Variants in SLC12A2 observed in about 807,000 individuals in gnomAD.
SLC12A2 encodes solute carrier family 12 member 2.
SLC12A2 carries 67 observed loss-of-function variants against 136.3 expected under a neutral mutation model. That is an observed-to-expected ratio of 0.49 (90% CI 0.40 to 0.60). SLC12A2 has a LOEUF of 0.60. Among genes scored for constraint, SLC12A2 ranks in the 20% least tolerant of loss-of-function variants. SLC12A2 has a pLI of 0.00. For synonymous variants in SLC12A2, 619 were observed against 562.9 expected (o/e 1.10, Z -1.41); for missense variants, 1,322 against 1,534.7 (o/e 0.86, Z 2.32).
rs149998336 is a variant in SLC12A2 at position 128,150,118 on chromosome 5, A to G, written c.2107+20A>G. ...CTCCAGGTAATTTTACATTTTTAAA[A>G]AAGTTTGTAAATATCATTTTTGATT... On this transcript the variant is annotated intron_variant, in intron 13 of 26. Coordinates refer to ENST00000262461, the MANE Select transcript of SLC12A2 (RefSeq NM_001046.3). The G allele has an allele frequency of 1.6e-4, 226 of 1,427,950 alleles. 5 individuals carry two copies. The East Asian group carries it at 5.1e-3, about 32-fold the overall frequency. The allele number at this position is 1,427,950 out of a possible 1,614,324, so 88.5% of individuals were successfully genotyped here.
intron 19 of SLC12A2, among the ~76,000 whole-genome samples, chr5:128,173,964 G>T (rs1005757608): frequency 6.6e-6 from 1 of 152,116 alleles, no homozygotes; most frequent in Non-Finnish European, 1.5e-5. Flanking sequence ...TGGTTTTATA[G>T]AGTGGGTAGA....
intron 1 of SLC12A2, among the ~76,000 whole-genome samples, chr5:128,104,144 T>G (rs973091157): frequency 2.0e-5 from 3 of 152,112 alleles, no homozygotes; most frequent in Middle Eastern, 3.2e-3. Flanking sequence ...AAAACCTAGT[T>G]TGACCTGGAA....
chr5:128,114,735 G>T (rs1761284665), intron 4 of SLC12A2, 54 bp downstream of exon 4: 2 of 1,058,568 alleles, frequency 1.9e-6, no homozygotes, highest in Non-Finnish European at 2.9e-6. Flanking sequence ...CTAAACAGAG[G>T]TCTAAATTGT....
Position 128,124,266 on chromosome 5 carries a change from A to G in SLC12A2, c.1049-6801A>G, listed in dbSNP as rs139236501. 3.0e-3 allele frequency among the ~76,000 whole-genome samples: 462 copies of G among 152,218 alleles called. 3 individuals carry two copies. Among genetic ancestry groups the G allele is most frequent in the African/African-American group, 0.011 (450 of 41,534 alleles). On this transcript the variant is annotated intron_variant, in intron 4 of 26. Coordinates refer to ENST00000262461, the MANE Select transcript of SLC12A2 (RefSeq NM_001046.3). ...TTTCCCCACACAAACCAATTCCCCA[A>G]CTTTCTGGACACTAATTGGGTATCC...
chr5:128,136,305 A>T (rs1310438188), intron 7 of SLC12A2, among the ~76,000 whole-genome samples: 1 of 152,136 alleles, frequency 6.6e-6, no homozygotes, highest in Non-Finnish European at 1.5e-5. Flanking sequence ...TTTGTCAGGA[A>T]CGTAAGTGAA....
chr5:128,158,580 C>T (rs1164958691), intron 16 of SLC12A2, among the ~76,000 whole-genome samples: 2 of 152,150 alleles, frequency 1.3e-5, no homozygotes, highest in African/African-American at 4.8e-5. Flanking sequence ...ACAGGTACCA[C>T]ATTTTCTTTA....
intron 4 of SLC12A2, among the ~76,000 whole-genome samples, chr5:128,125,746 C>T (rs142541589): frequency 2.0e-3 from 310 of 152,034 alleles, no homozygotes; most frequent in Non-Finnish European, 3.3e-3. Context: ...TGAAGATATT[C>T]TCCTATATTT....
At chr5:128,124,402 AGGCCTCCT>A (rs951239610) in intron 4 of SLC12A2, among the ~76,000 whole-genome samples, 7 of 152,198 alleles carry the variant, frequency 4.6e-5, no homozygotes, top group African/African-American at 1.7e-4. Context: ...TTGCAATTCC[AGGCCTCCT>A]GTACCTCTGA....
rs759150110 is a variant in SLC12A2 at position 128,174,508 on chromosome 5, T to C, written c.2804-33T>C. ...CTTATTTAACAGTTAAAATATGACT[T>C]AGATACTATTTTAAATAATTTTCTG... On this transcript the variant is annotated intron_variant, in intron 19 of 26. Coordinates refer to ENST00000262461, the MANE Select transcript of SLC12A2 (RefSeq NM_001046.3). The C allele has an allele frequency of 4.6e-6, 7 of 1,515,508 alleles. No individual in the cohort carries two copies. The East Asian group carries it at 1.6e-4, about 36-fold the overall frequency. The allele number at this position is 1,515,508 out of a possible 1,614,324, so 93.9% of individuals were successfully genotyped here. A position where few individuals can be genotyped will look rare whatever the true frequency, so the allele number is the denominator to read the frequency against.
chr5:128,164,487 ATAT>A (rs1006834215), intron 17 of SLC12A2, among the ~76,000 whole-genome samples: 7 of 152,316 alleles, frequency 4.6e-5, no homozygotes, highest in Non-Finnish European at 8.8e-5. Flanking sequence ...ACTATATGAA[ATAT>A]TATTACAAAT....
chr5:128,142,834 ATGTG>A (rs924702586), intron 10 of SLC12A2, among the ~76,000 whole-genome samples: 2 of 151,892 alleles, frequency 1.3e-5, no homozygotes, highest in South Asian at 4.2e-4. Context: ...AAATAACCTT[ATGTG>A]TGTGTGTGTT....
intron 18 of SLC12A2, 66 bp downstream of exon 18, chr5:128,167,933 A>G: frequency 1.1e-6 from 1 of 928,808 alleles, no homozygotes; most frequent in Non-Finnish European, 1.6e-6. Context: ...AGCTTGTCCT[A>G]ATTTTTGGAG....
rs1223398213 is a variant in SLC12A2 at position 128,084,401 on chromosome 5, C to T, written c.447C>T (p.Ser149=). 1.9e-6 allele frequency: 3 copies of T among 1,610,880 alleles called. No individual in the cohort carries two copies. Among genetic ancestry groups the T allele is most frequent in the Non-Finnish European group, 2.5e-6 (3 of 1,178,906 alleles). ...TGAACTTCGTGGACCCAGCTGCCTC[C>T]TCGTCGGCTGAAGACAGCCTGTCAG... is the stretch of plus-strand genomic sequence containing the variant. ...FRVNFVDPAA[S]SSAEDSLSDA... is the part of the protein sequence containing the mutation. Residue 149 remains serine, a synonymous_variant, in exon 1 of 27, where the codon TCC becomes TCT. Coordinates refer to ENST00000262461, the MANE Select transcript of SLC12A2 (RefSeq NM_001046.3). This position sits in a 1 kb window ranked among gnomAD's most constrained non-coding sequence, Gnocchi z 5.6.
Position 128,138,628 on chromosome 5 carries a change from T to C in SLC12A2, c.1440T>C (p.Asp480=). The C allele has an allele frequency of 6.2e-7, 1 of 1,612,214 alleles. No individual in the cohort carries two copies. Among genetic ancestry groups the C allele is most frequent in the Non-Finnish European group, 8.5e-7 (1 of 1,179,482 alleles). The part of the protein sequence containing the change: ...SEIFNENFGP[D]FREEETFFSV... The stretch of plus-strand genomic sequence containing the variant: ...TATTTAATGAGAACTTTGGGCCCGA[T>C]TTTCGAGAGGAAGAGACTTTCTTTT... The change falls in exon 8 of 27, where the codon GAT becomes GAC. Residue 480 remains aspartate, a synonymous_variant. Transcript: ENST00000262461.
intron 1 of SLC12A2, among the ~76,000 whole-genome samples, chr5:128,098,861 T>C (rs1760641167): frequency 6.6e-6 from 1 of 152,138 alleles, no homozygotes; most frequent in Admixed American, 6.6e-5. Context: ...CATTATACTT[T>C]TTCTGAAGAT....
rs1009905323 is a variant in SLC12A2 at position 128,160,837 on chromosome 5, G to A, written c.2476-823G>A. On this transcript the variant is annotated intron_variant, in intron 16 of 26. Transcript: ENST00000262461. The stretch of plus-strand genomic sequence containing the variant: ...TTATACAGTGGCAAAGTCAAGGGGT[G>A]TGTGTTTGTGTGTGTGTGTGTGTGT... 3.3e-5 allele frequency among the ~76,000 whole-genome samples: 5 copies of A among 149,290 alleles called. No homozygotes were observed. In the South Asian group the frequency reaches 6.2e-4, roughly 19 times the overall value.
rs188229039 is a variant in SLC12A2 at position 128,155,657 on chromosome 5, C to T, written c.2364-2396C>T. On this transcript the variant is annotated intron_variant, in intron 15 of 26. Transcript: ENST00000262461. ...TGTAGTTTCTTACTGTTTACTGTTT[C>T]TTTAATTTGGGTTTTGGGATTTAGC... 7.2e-5 allele frequency among the ~76,000 whole-genome samples: 11 copies of T among 152,098 alleles called. No individual in the cohort carries two copies. The East Asian group carries it at 2.1e-3, about 29-fold the overall frequency.
intron 9 of SLC12A2, 88 bp from the exon 10 acceptor site, chr5:128,141,742 G>T: frequency 9.1e-7 from 1 of 1,094,808 alleles, no homozygotes; most frequent in Non-Finnish European, 1.3e-6. Context: ...CACTACTTTG[G>T]TTTCTTTATA....
At chr5:128,089,924 G>A (rs1370076683) in intron 1 of SLC12A2, among the ~76,000 whole-genome samples, 3 of 152,174 alleles carry the variant, frequency 2.0e-5, no homozygotes, top group Non-Finnish European at 4.4e-5. Context: ...GAACAAGAAT[G>A]TGTCTCTCGA....
Sources: gnomAD v4.1 joint callset for allele counts (sites outside exome capture counted in the v4.1 genomes callset) on GRCh38, gnomAD v4.1.1 for gene constraint, Gnocchi (gnomAD v3.1) non-coding constraint, MANE v1.5 for transcripts, NCBI Gene and HGNC (gene_info 2026-07-23, HGNC 2026-07-21) for gene names.